Variants in NRXN3 observed in about 807,000 individuals in gnomAD.
The protein encoded by NRXN3 is neurexin 3, also known as neurexin III.
In NRXN3, 32 loss-of-function variants were observed where a neutral mutation model predicts 137.6. The observed-to-expected ratio is 0.23, with a 90% CI of 0.18 to 0.31. NRXN3 has a LOEUF of 0.31. NRXN3 is among the 10% of genes least tolerant of loss of function. The pLI is 1.00. For missense variants in NRXN3, 1,574 were observed against 2,062.5 expected (o/e 0.76, Z 4.59); for synonymous variants, 798 against 784.5 (o/e 1.02, Z -0.29).
chr14:78,198,039 A>G (rs1177749455), intron 1 of NRXN3, among the ~76,000 whole-genome samples: 1 of 152,190 alleles, frequency 6.6e-6, no homozygotes, highest in East Asian at 1.9e-4. Context: ...CCCATCTTGG[A>G]AAGATACGAC....
chr14:78,341,195 T>C (rs532761568), intron 4 of NRXN3, among the ~76,000 whole-genome samples: 13 of 152,240 alleles, frequency 8.5e-5, no homozygotes, highest in African/African-American at 2.4e-4. Flanking sequence ...TTGGGGGGAA[T>C]TGGTCCCCAG....
chr14:78,295,868 A>G (rs1033599377), intron 3 of NRXN3, among the ~76,000 whole-genome samples: 6 of 152,078 alleles, frequency 3.9e-5, no homozygotes, highest in African/African-American at 1.4e-4. Context: ...TATTTAGTAA[A>G]TTTAAAAAAT....
At chr14:78,338,804 G>A (rs1037259772) in intron 4 of NRXN3, among the ~76,000 whole-genome samples, 1 of 152,158 alleles carries the variant, frequency 6.6e-6, no homozygotes, top group South Asian at 2.1e-4. Context: ...ACTTTTAGGT[G>A]AAAATTTTGG....
intron 15 of NRXN3, among the ~76,000 whole-genome samples, chr14:79,385,216 C>A (rs1369680527): frequency 2.7e-4 from 34 of 127,184 alleles, no homozygotes; most frequent in South Asian, 6.6e-4. Context: ...CCCCCGCCCC[C>A]ACCCCACCAC....
At chr14:78,487,197 T>TC (rs1349692592) in intron 4 of NRXN3, among the ~76,000 whole-genome samples, 1 of 152,190 alleles carries the variant, frequency 6.6e-6, no homozygotes, top group Non-Finnish European at 1.5e-5. Context: ...GACTTTTTTT[T>TC]CTGTGTGGAA....
chr14:79,005,739 TGTGGTGTTTAC>T (rs2099551094), intron 15 of NRXN3, among the ~76,000 whole-genome samples: 3 of 152,178 alleles, frequency 2.0e-5, no homozygotes, highest in Non-Finnish European at 2.9e-5. Flanking sequence ...TGAATATTTG[TGTGGTGTTTAC>T]ATGTTTATAC....
At chr14:79,589,390 C>T (rs1225806781) in intron 16 of NRXN3, among the ~76,000 whole-genome samples, 1 of 151,592 alleles carries the variant, frequency 6.6e-6, no homozygotes, top group Non-Finnish European at 1.5e-5. Flanking sequence ...TAATAGCTTT[C>T]AAAATTGTCA....
At chr14:79,377,004 G>A (rs554391200) in intron 15 of NRXN3, among the ~76,000 whole-genome samples, 106 of 152,274 alleles carry the variant, frequency 7.0e-4, no homozygotes, top group African/African-American at 2.4e-3. Context: ...AAGCTACTAA[G>A]TAGAAGATAC....
chr14:78,473,612 T>C (rs2095324685), intron 4 of NRXN3, among the ~76,000 whole-genome samples: 1 of 152,168 alleles, frequency 6.6e-6, no homozygotes, highest in African/African-American at 2.4e-5. Context: ...TGAAACTTAG[T>C]GGCTTTAGAC....
intron 4 of NRXN3, among the ~76,000 whole-genome samples, chr14:78,376,916 A>G (rs777575696): frequency 5.3e-5 from 8 of 152,252 alleles, no homozygotes; most frequent in Non-Finnish European, 7.3e-5. Flanking sequence ...TAAGAAAGCT[A>G]CACAAAAAGA....
chr14:79,152,496 A>G (rs1385004450), intron 15 of NRXN3, among the ~76,000 whole-genome samples: 1 of 152,016 alleles, frequency 6.6e-6, no homozygotes, highest in Non-Finnish European at 1.5e-5. Context: ...ATAAAGACAT[A>G]TCCAAAACTC....
intron 15 of NRXN3, among the ~76,000 whole-genome samples, chr14:79,266,489 G>C (rs1322869486): frequency 6.6e-6 from 1 of 152,046 alleles, no homozygotes; most frequent in Non-Finnish European, 1.5e-5. Flanking sequence ...ATGTTTCCAG[G>C]ATTTTCACTT....
In NRXN3 at chr14:78,455,185, C is replaced by A. The variant is rs545510916; in HGVS notation, c.757+157325C>A. Among the ~76,000 whole-genome samples, 8 of 152,296 alleles carry A rather than the reference C, an allele frequency of 5.3e-5. 1 individual carries two copies. The South Asian group carries it at 1.7e-3, about 32-fold the overall frequency. On this transcript the variant is annotated intron_variant, in intron 4 of 20. Transcript: ENST00000335750. Reference sequence around the variant, plus strand: ...ACTGCACTGCACCCCCTACATGGGACCTTCCATCACCAGGACTTGGGAGTT... The same window carrying A: ...ACTGCACTGCACCCCCTACATGGGAACTTCCATCACCAGGACTTGGGAGTT...
At chr14:79,489,440 G>A (rs998995169) in intron 16 of NRXN3, among the ~76,000 whole-genome samples, 2 of 152,092 alleles carry the variant, frequency 1.3e-5, no homozygotes, top group Non-Finnish European at 2.9e-5. Context: ...GCTCCTGACT[G>A]AGAAGGAAAA....
chr14:78,942,594 G>T (rs144758760), intron 10 of NRXN3, among the ~76,000 whole-genome samples: 56 of 152,188 alleles, frequency 3.7e-4, no homozygotes, highest in African/African-American at 1.3e-3. Context: ...ATAAAACGTA[G>T]AACAGAGGAT....
At chr14:78,332,343 T>G (rs1444699834) in intron 4 of NRXN3, among the ~76,000 whole-genome samples, 1 of 148,394 alleles carries the variant, frequency 6.7e-6, no homozygotes, top group African/African-American at 2.5e-5. Flanking sequence ...TTTGATGGAG[T>G]CTTGCTCTGT....
At chr14:79,608,615 C>T (rs1168454732) in intron 16 of NRXN3, among the ~76,000 whole-genome samples, 1 of 152,136 alleles carries the variant, frequency 6.6e-6, no homozygotes, top group Non-Finnish European at 1.5e-5. Flanking sequence ...TTTGCTGGTG[C>T]TAGGTTAGCT....
chr14:78,365,404 T>G (rs2085772687), intron 4 of NRXN3, among the ~76,000 whole-genome samples: 1 of 152,172 alleles, frequency 6.6e-6, no homozygotes, highest in Non-Finnish European at 1.5e-5. Flanking sequence ...ATGCAGACAT[T>G]CAGATCCTAG....
At chr14:79,559,971 T>TTG (rs755065164) in intron 16 of NRXN3, among the ~76,000 whole-genome samples, 56 of 150,674 alleles carry the variant, frequency 3.7e-4, no homozygotes, top group African/African-American at 5.6e-4. Context: ...CTTGTACAAT[T>TTG]TGTGTGTGTG....
Sources: gnomAD v4.1 joint callset for allele counts (sites outside exome capture counted in the v4.1 genomes callset) on GRCh38, gnomAD v4.1.1 for gene constraint, MANE v1.5 for transcripts, NCBI Gene and HGNC (gene_info 2026-07-23, HGNC 2026-07-21) for gene names.